The following CCNE2 variants were observed in gnomAD, a reference collection of about 807,000 sequenced individuals.
The protein encoded by CCNE2 is G1/S-specific cyclin-E2.
CCNE2 carries 18 observed loss-of-function variants against 56.8 expected under a neutral mutation model. That is an observed-to-expected ratio of 0.32 (90% CI 0.22 to 0.47). CCNE2 has a LOEUF of 0.47. CCNE2 is among the 20% of genes least tolerant of loss of function. The probability of loss-of-function intolerance (pLI) is 1.00; values close to 1 mark genes in which losing one functional copy is unlikely to be tolerated. For synonymous variants in CCNE2, 139 were observed against 149.2 expected (o/e 0.93, Z 0.50); for missense variants, 371 against 467.1 (o/e 0.79, Z 1.90).
chr8:94,896,036 C>T, upstream of CCNE2: 1 of 149,626 alleles, frequency 6.7e-6, no homozygotes, highest in Non-Finnish European at 1.5e-5. Flanking sequence ...TGGCCTCCAG[C>T]TGCCACCCCG....
At chr8:94,895,205 T>A (rs946803679), upstream of CCNE2, 1 of 985,790 alleles carries the variant, frequency 1.0e-6, no homozygotes, top group Non-Finnish European at 1.2e-6. Flanking sequence ...TCGGCTCAGC[T>A]GGCGCCGGCG....
upstream of CCNE2, chr8:94,896,505 T>G (rs891438978): frequency 6.6e-6 from 1 of 151,870 alleles, no homozygotes; most frequent in Non-Finnish European, 1.5e-5. Flanking sequence ...CGCAAACAGG[T>G]TTTGCGGCGG....
intron 9 of CCNE2, among the ~76,000 whole-genome samples, 173 bp from the exon 10 acceptor site, chr8:94,883,065 C>T (rs1291703708): frequency 1.3e-5 from 2 of 151,862 alleles, no homozygotes; most frequent in South Asian, 2.1e-4. Flanking sequence ...CACAAGGTCA[C>T]GAGATCGAGA....
upstream of CCNE2, chr8:94,896,329 G>C (rs1363642127): frequency 6.7e-6 from 1 of 148,586 alleles, no homozygotes; most frequent in Non-Finnish European, 1.5e-5. Context: ...GCGGGAGGGC[G>C]CCGTTCGCGC....
chr8:94,887,181 C>G (rs765694911), intron 7 of CCNE2, among the ~76,000 whole-genome samples: 5 of 152,124 alleles, frequency 3.3e-5, no homozygotes, highest in African/African-American at 1.2e-4. Flanking sequence ...AAAGGAGGTG[C>G]CTTCTATCAG....
chr8:94,885,339 A>G, intron 8 of CCNE2, 124 bp downstream of exon 8: 1 of 1,051,692 alleles, frequency 9.5e-7, no homozygotes, highest in Non-Finnish European at 1.4e-6. Flanking sequence ...ACCTCTTAGA[A>G]CTGGATCCTA....
rs181892160 is a variant in CCNE2 at position 94,893,242 on chromosome 8, C to T, written c.166-273G>A. 9.2e-5 allele frequency among the ~76,000 whole-genome samples: 14 copies of T among 151,364 alleles called. No individual in the cohort carries two copies. In the East Asian group the frequency reaches 2.7e-3, roughly 29 times the overall value. On this transcript the variant is annotated intron_variant, in intron 4 of 11. Transcript: ENST00000308108. ...GAAGAAGGACAGTAATAACAAAATG[C>T]ATCTGCAGTCTAAAATACTAATCAC... is the stretch of plus-strand genomic sequence containing the variant.
rs1222669527 is a variant in CCNE2, at chr8:94,893,886, A to G, written c.165+5T>C. 1.2e-6 allele frequency: 2 copies of G among 1,609,762 alleles called. No homozygotes were observed. Among genetic ancestry groups the G allele is most frequent in the South Asian group, 1.1e-5 (1 of 90,988 alleles). On this transcript the variant is annotated splice_donor_5th_base_variant and intron_variant, in intron 4 of 11. Coordinates refer to ENST00000308108, the MANE Select transcript of CCNE2 (RefSeq NM_057749.3). ...CCAAACCCACCCAGCCCAGTTCTGC[A>G]TTACCCTAATTTCATACTGATGTTT...
intron 9 of CCNE2, among the ~76,000 whole-genome samples, 180 bp from the exon 10 acceptor site, chr8:94,883,072 G>A (rs1258311837): frequency 2.0e-5 from 3 of 151,940 alleles, no homozygotes; most frequent in Non-Finnish European, 4.4e-5. Context: ...TCACGAGATC[G>A]AGACCATCCT....
Position 94,892,949 on chromosome 8 carries a change from T to C in CCNE2, c.186A>G (p.Leu62=). Residue 62 remains leucine, a synonymous_variant, in exon 5 of 12, where the codon TTA becomes TTG. Coordinates refer to ENST00000308108, the MANE Select transcript of CCNE2 (RefSeq NM_057749.3). ...YEIRNCWPPV[L]SGGISPCIII... ...TAATGCAAGGACTGATCCCCCCAGA[T>C]AATACAGGTGGCCAACAATTCTGTC... 3 of 1,536,380 alleles carry C rather than the reference T, an allele frequency of 2.0e-6. No individual in the cohort carries two copies. Among genetic ancestry groups the C allele is most frequent in the Non-Finnish European group, 2.6e-6 (3 of 1,154,534 alleles).
chr8:94,896,298 G>T (rs1817560601), upstream of CCNE2, among the ~76,000 whole-genome samples: 1 of 148,450 alleles, frequency 6.7e-6, no homozygotes, highest in Non-Finnish European at 1.5e-5. Flanking sequence ...GCGCCCTGCG[G>T]AGCCCGCGCG....
chr8:94,895,416 C>T (rs1022736489), upstream of CCNE2, among the ~76,000 whole-genome samples: 2 of 152,166 alleles, frequency 1.3e-5, no homozygotes, highest in Non-Finnish European at 2.9e-5. Context: ...CCGCGCTCCA[C>T]GGCGCGGCCG....
chr8:94,895,326 G>T, upstream of CCNE2: 1 of 900,688 alleles, frequency 1.1e-6, no homozygotes, highest in Non-Finnish European at 1.3e-6. Flanking sequence ...GTGCCCGCGC[G>T]CCGCGCCCTG....
In CCNE2 at chr8:94,882,254, A is replaced by G; in HGVS notation, c.979T>C (p.Trp327Arg). Residue 327 changes from tryptophan to arginine, a missense_variant, in exon 11 of 12, where the codon TGG (tryptophan) becomes CGG (arginine). By Grantham distance (101) the Trp-to-Arg change is moderately radical. Coordinates refer to ENST00000308108, the MANE Select transcript of CCNE2 (RefSeq NM_057749.3). The part of the protein sequence containing the change: ...EWDSISECVD[W>R]MVPFVNVVKS... ...ACTACATTGACAAAAGGTACCATCC[A>G]ATCTACACATTCTGAAATACTGTCC... is the stretch of plus-strand genomic sequence containing the variant. 1.2e-6 allele frequency: 2 copies of G among 1,605,058 alleles called. No individual in the cohort carries two copies. Among genetic ancestry groups the G allele is most frequent in the Non-Finnish European group, 1.7e-6 (2 of 1,175,436 alleles).
At chr8:94,884,248 A>T (rs184288866) in intron 9 of CCNE2, among the ~76,000 whole-genome samples, 210 of 152,278 alleles carry the variant, frequency 1.4e-3, no homozygotes, top group African/African-American at 4.9e-3. Context: ...CACATAGAAT[A>T]AGAGGGTAGA....
chr8:94,894,388 T>G (rs1157983233), intron 1 of CCNE2, 141 bp from the exon 2 acceptor site: 1 of 712,320 alleles, frequency 1.4e-6, no homozygotes, highest in African/African-American at 1.8e-5. Flanking sequence ...TCTTCTGTGC[T>G]ATGTTAGCTA....
chr8:94,889,062 C>T (rs1034812339), intron 6 of CCNE2, among the ~76,000 whole-genome samples: 4 of 151,930 alleles, frequency 2.6e-5, no homozygotes, highest in Admixed American at 6.5e-5. Flanking sequence ...ACAAGAGAGT[C>T]GCTTGAACGC....
chr8:94,887,268 G>A (rs113240053), intron 7 of CCNE2, among the ~76,000 whole-genome samples: 118 of 152,332 alleles, frequency 7.7e-4, no homozygotes, highest in African/African-American at 2.6e-3. Context: ...CACGCTGGGA[G>A]GCCGAGGTGG....
At chr8:94,892,991 A>G (rs1181616517) in intron 4 of CCNE2, 22 bp from the exon 5 acceptor site, 3 of 1,525,116 alleles carry the variant, frequency 2.0e-6, no homozygotes, top group Non-Finnish European at 2.6e-6. Context: ...AAAAAGAAAA[A>G]TATCAATTTG....
Sources: allele counts gnomAD v4.1 joint callset (sites outside exome capture counted in the v4.1 genomes callset), GRCh38; gene constraint gnomAD v4.1.1; transcripts MANE v1.5; gene names NCBI Gene and HGNC (gene_info 2026-07-23, HGNC 2026-07-21).